Variants in RALGPS1 observed in about 807,000 individuals in gnomAD.
The protein encoded by RALGPS1 is Ral GEF with PH domain and SH3 binding motif 1, also known as ras-specific guanine nucleotide-releasing factor RalGPS1.
A neutral mutation model predicts 78.8 loss-of-function variants in RALGPS1; 19 were observed. That is an observed-to-expected ratio of 0.24 (90% CI 0.17 to 0.35). RALGPS1 has a LOEUF of 0.35. RALGPS1 is among the 10% of genes least tolerant of loss of function. The probability of loss-of-function intolerance (pLI) is 1.00; values close to 1 mark genes in which losing one functional copy is unlikely to be tolerated. For missense variants in RALGPS1, 454 were observed against 688.3 expected (o/e 0.66, Z 3.81); for synonymous variants, 228 against 256.3 (o/e 0.89, Z 1.06).
At chr9:126,989,965 C>G (rs547286191) in intron 4 of RALGPS1, 2 of 1,550,522 alleles carry the variant, frequency 1.3e-6, no homozygotes, top group Admixed American at 3.9e-5. Flanking sequence ...TGACACGTTG[C>G]AGTTCAGGAA....
At chr9:127,094,309 C>T (rs1373086335) in intron 8 of RALGPS1, among the ~76,000 whole-genome samples, 1 of 152,054 alleles carries the variant, frequency 6.6e-6, no homozygotes, top group East Asian at 1.9e-4. Context: ...TTTTCGTGTT[C>T]ATTATATTAG....
At chr9:126,969,136 A>G (rs1031009592) in intron 3 of RALGPS1, among the ~76,000 whole-genome samples, 2 of 152,250 alleles carry the variant, frequency 1.3e-5, no homozygotes, top group Non-Finnish European at 2.9e-5. Context: ...TTAACCCTGT[A>G]TGTCTAAAAT....
At chr9:127,128,647 C>G (rs1363588616) in intron 8 of RALGPS1, among the ~76,000 whole-genome samples, 1 of 152,228 alleles carries the variant, frequency 6.6e-6, no homozygotes, top group Non-Finnish European at 1.5e-5. Flanking sequence ...AAACAGCTGC[C>G]ACTAGACTGA....
At chr9:127,092,516 C>T (rs1020798704) in intron 8 of RALGPS1, among the ~76,000 whole-genome samples, 2 of 151,986 alleles carry the variant, frequency 1.3e-5, no homozygotes, top group South Asian at 2.1e-4. Flanking sequence ...TCTTGGGAAT[C>T]GGTGATTCAT....
At chr9:127,024,215 A>T (rs1388727645) in intron 4 of RALGPS1, among the ~76,000 whole-genome samples, 2 of 151,914 alleles carry the variant, frequency 1.3e-5, no homozygotes, top group East Asian at 3.9e-4. Flanking sequence ...AATGTGTAAT[A>T]TGTCATCTAC....
chr9:127,136,628 G>A (rs2057411857), intron 8 of RALGPS1, among the ~76,000 whole-genome samples: 1 of 152,170 alleles, frequency 6.6e-6, no homozygotes, highest in African/African-American at 2.4e-5. Flanking sequence ...GTGAGCAGAA[G>A]CACGTGGAGT....
rs1431548822 is a variant in RALGPS1 at position 127,214,731 on chromosome 9, A to G, written c.1553-20A>G. 2.5e-6 allele frequency: 4 copies of G among 1,596,354 alleles called. No individual in the cohort carries two copies. Among genetic ancestry groups the G allele is most frequent in the Non-Finnish European group, 3.4e-6 (4 of 1,173,754 alleles). On this transcript the variant is annotated intron_variant, in intron 17 of 18. Coordinates refer to ENST00000259351, the MANE Select transcript of RALGPS1 (RefSeq NM_014636.3). ...TCCTACGTGGCCCTCTTCTTAACTC[A>G]TGGTTTCTCTACCCATCAGGCAATG...
chr9:127,077,486 T>C (rs187216341), intron 8 of RALGPS1, among the ~76,000 whole-genome samples: 119 of 152,250 alleles, frequency 7.8e-4, no homozygotes, highest in African/African-American at 2.8e-3. Context: ...AAGGGTGGGA[T>C]CAAGCCAAGG....
intron 2 of RALGPS1, among the ~76,000 whole-genome samples, chr9:126,965,502 G>A (rs1472482546): frequency 2.0e-5 from 3 of 152,204 alleles, no homozygotes; most frequent in Admixed American, 6.5e-5. Flanking sequence ...GCAACTGAAG[G>A]TATGTGTTTT....
At chr9:127,124,679 G>A (rs2056472685) in intron 8 of RALGPS1, among the ~76,000 whole-genome samples, 1 of 152,246 alleles carries the variant, frequency 6.6e-6, no homozygotes. Flanking sequence ...AGTACATTGT[G>A]GCTGAGGAGA....
intron 4 of RALGPS1, among the ~76,000 whole-genome samples, chr9:127,024,541 C>T (rs1162991168): frequency 6.6e-6 from 1 of 151,814 alleles, no homozygotes; most frequent in Non-Finnish European, 1.5e-5. Flanking sequence ...TAGGTGGACT[C>T]TTAAAGTTGA....
intron 4 of RALGPS1, among the ~76,000 whole-genome samples, chr9:126,995,448 T>A (rs1774667117): frequency 6.6e-6 from 1 of 152,106 alleles, no homozygotes; most frequent in South Asian, 2.1e-4. Context: ...CATTACATAA[T>A]GGTAAAGGGA....
intron 13 of RALGPS1, among the ~76,000 whole-genome samples, chr9:127,197,867 AG>A (rs1262971388): frequency 6.6e-6 from 1 of 152,230 alleles, no homozygotes; most frequent in Non-Finnish European, 1.5e-5. Context: ...CAGAGTCCAC[AG>A]TGTCCACATT....
chr9:127,100,366 G>A (rs2053593297), intron 8 of RALGPS1, among the ~76,000 whole-genome samples: 1 of 152,210 alleles, frequency 6.6e-6, no homozygotes, highest in African/African-American at 2.4e-5. Context: ...TCCTGTTTCT[G>A]CTCATTTGAC....
intron 8 of RALGPS1, among the ~76,000 whole-genome samples, chr9:127,113,978 C>T (rs1366568548): frequency 2.0e-5 from 3 of 152,344 alleles, no homozygotes; most frequent in South Asian, 4.1e-4. Context: ...CAGAAGCTGC[C>T]GGCCTGGGAT....
At chr9:126,919,477 CATTCAGGCCTTG>C (rs1298197474) in intron 1 of RALGPS1, among the ~76,000 whole-genome samples, 1 of 152,140 alleles carries the variant, frequency 6.6e-6, no homozygotes, top group Non-Finnish European at 1.5e-5. Context: ...ACTGATTTTC[CATTCAGGCCTTG>C]ATTCAAAGTC....
intron 8 of RALGPS1, among the ~76,000 whole-genome samples, chr9:127,165,746 G>A (rs1338581367): frequency 6.6e-6 from 1 of 152,248 alleles, no homozygotes. Context: ...CAGTTGGTAA[G>A]AAACACAAGT....
chr9:127,174,234 CAG>C (rs1207680484), intron 10 of RALGPS1, among the ~76,000 whole-genome samples: 7 of 118,096 alleles, frequency 5.9e-5, no homozygotes, highest in Admixed American at 9.2e-5. Flanking sequence ...GAAAGAAAGA[CAG>C]AGAGAGAGAG....
At chr9:126,952,613 TGCTGTG>T (rs1220636824) in intron 1 of RALGPS1, among the ~76,000 whole-genome samples, 1 of 148,434 alleles carries the variant, frequency 6.7e-6, no homozygotes, top group African/African-American at 2.5e-5. Context: ...AAATCTGATG[TGCTGTG>T]GCTGTGGCTG....
Sources: allele counts gnomAD v4.1 joint callset (sites outside exome capture counted in the v4.1 genomes callset), GRCh38; gene constraint gnomAD v4.1.1; transcripts MANE v1.5; gene names NCBI Gene and HGNC (gene_info 2026-07-23, HGNC 2026-07-21).